The following SLC22A23 variants were observed in gnomAD, a reference collection of about 807,000 sequenced individuals.
The protein encoded by SLC22A23 is solute carrier family 22 member 23, also known as ion transporter protein.
A neutral mutation model predicts 61.0 loss-of-function variants in SLC22A23; 26 were observed. That is an observed-to-expected ratio of 0.43 (90% CI 0.31 to 0.59). The LOEUF (loss-of-function observed/expected upper bound fraction) is 0.59, where lower values mean the gene tolerates loss of function less well. Ranked by LOEUF, SLC22A23 falls within the 20% of genes least tolerant of loss-of-function variation. The pLI is 0.11. For synonymous variants in SLC22A23, 430 were observed against 413.9 expected, an observed-to-expected ratio of 1.04 and a Z score of -0.47; for missense variants, 796 against 934.7, an observed-to-expected ratio of 0.85 and a Z score of 1.94.
In SLC22A23 at chr6:3,410,884, A is replaced by G. The variant is rs1317092867; in HGVS notation, c.759-542T>C. ...AATTTGTTTCAGCTACACGACGAGAAGTAATTTTTAAGGGATCACACACTA... is the reference window on the plus strand; with the variant it reads ...AATTTGTTTCAGCTACACGACGAGAGGTAATTTTTAAGGGATCACACACTA... On this transcript the variant is annotated intron_variant, in intron 2 of 9. Coordinates refer to ENST00000406686, the MANE Select transcript of SLC22A23 (RefSeq NM_015482.2). The surrounding 1 kb of genome is among the most constrained non-coding windows in gnomAD (Gnocchi z 5.0). Among the ~76,000 whole-genome samples, 1 of 152,226 alleles carries G rather than the reference A, an allele frequency of 6.6e-6. No individual in the cohort carries two copies. Among genetic ancestry groups the G allele is most frequent in the East Asian group, 1.9e-4 (1 of 5,196 alleles).
intron 6 of SLC22A23, among the ~76,000 whole-genome samples, chr6:3,288,514 G>GAGAT (rs1317539522): frequency 6.6e-6 from 1 of 152,196 alleles, no homozygotes; most frequent in Non-Finnish European, 1.5e-5. Context: ...CTGGCCTGCT[G>GAGAT]AGATAGCAGG....
At chr6:3,311,210 G>C (rs920275372) in intron 4 of SLC22A23, among the ~76,000 whole-genome samples, 9 of 152,274 alleles carry the variant, frequency 5.9e-5, no homozygotes, top group Middle Eastern at 3.4e-3. Context: ...ATCAAAGAGT[G>C]GGGGACACAG....
intron 1 of SLC22A23, chr6:3,439,199 C>T (rs540549658): frequency 8.2e-4 from 299 of 362,716 alleles, no homozygotes; most frequent in Non-Finnish European, 1.4e-3. Context: ...ACCCACCAGG[C>T]GCCAGTAGCA....
rs562245495 is a variant in SLC22A23 at position 3,425,562 on chromosome 6, G to C, written c.655-9707C>G. On this transcript the variant is annotated intron_variant, in intron 1 of 9. Coordinates refer to ENST00000406686, the MANE Select transcript of SLC22A23 (RefSeq NM_015482.2). ...GCCTCCCAAAGCGCTGGGATTACAG[G>C]CATGAGTCACCGCACCCGGCCGAAT... Among the ~76,000 whole-genome samples, 15 of 152,168 alleles carry C rather than the reference G, an allele frequency of 9.9e-5. No homozygotes were observed. The East Asian group carries it at 2.9e-3, about 29-fold the overall frequency.
chr6:3,402,579 C>T (rs1768501386), intron 3 of SLC22A23, among the ~76,000 whole-genome samples: 1 of 151,908 alleles, frequency 6.6e-6, no homozygotes, highest in African/African-American at 2.4e-5. Flanking sequence ...ACCCAGAGTG[C>T]ACTAGGCTCC....
At position 3,436,593 on chromosome 6, in the gene SLC22A23, G is replaced by A. The variant is rs891147758; in HGVS notation, c.654+19313C>T. Among the ~76,000 whole-genome samples the A allele has an allele frequency of 6.6e-5, 10 of 152,082 alleles. No individual in the cohort carries two copies. In the South Asian group the frequency reaches 1.0e-3, roughly 16 times the overall value. ...CTCCCGCTCCTTCCCGTTACAGGGC[G>A]CACATCCCAGGGATTCCCAACTCTC... is the stretch of plus-strand genomic sequence containing the variant. On this transcript the variant is annotated intron_variant, in intron 1 of 9. Coordinates refer to ENST00000406686, the MANE Select transcript of SLC22A23 (RefSeq NM_015482.2).
At chr6:3,392,725 G>A (rs1051574315) in intron 3 of SLC22A23, among the ~76,000 whole-genome samples, 1 of 152,220 alleles carries the variant, frequency 6.6e-6, no homozygotes, top group African/African-American at 2.4e-5. Flanking sequence ...TTGAGCAACT[G>A]CATGGATAAT....
At chr6:3,365,142 A>G (rs1313446475) in intron 3 of SLC22A23, among the ~76,000 whole-genome samples, 2 of 152,146 alleles carry the variant, frequency 1.3e-5, no homozygotes, top group African/African-American at 4.8e-5. Flanking sequence ...AACATGGTGA[A>G]ACCCCGTCTC....
chr6:3,446,260 AC>A (rs1771891453), intron 1 of SLC22A23, among the ~76,000 whole-genome samples: 1 of 152,176 alleles, frequency 6.6e-6, no homozygotes, highest in South Asian at 2.1e-4. Context: ...GATAAGGAGA[AC>A]TGAATTCAAA....
chr6:3,277,431 G>A (rs757579978), intron 9 of SLC22A23, among the ~76,000 whole-genome samples: 14 of 146,874 alleles, frequency 9.5e-5, no homozygotes, highest in Non-Finnish European at 1.8e-4. Flanking sequence ...ACCTCCTCCC[G>A]CCGCAGTGCA....
Position 3,333,812 on chromosome 6 carries a change from T to C in SLC22A23, c.914-9810A>G, listed in dbSNP as rs1440202710. ...GAGTCGGGGCCCTTCTCAGTCCTAC[T>C]GTATCAGAAACTGAGGCTGGGAACA... On this transcript the variant is annotated intron_variant, in intron 3 of 9. Transcript: ENST00000406686. This position sits in a 1 kb window ranked among gnomAD's most constrained non-coding sequence, Gnocchi z 4.1. 6.6e-6 allele frequency among the ~76,000 whole-genome samples: 1 copy of C among 152,212 alleles called. No individual in the cohort carries two copies. Among genetic ancestry groups the C allele is most frequent in the Non-Finnish European group, 1.5e-5 (1 of 68,044 alleles).
In SLC22A23 at chr6:3,283,939, G is replaced by A. The variant is rs371116667; in HGVS notation, c.1616C>T (p.Ala539Val). The A allele has an allele frequency of 2.4e-5, 38 of 1,608,250 alleles. No individual in the cohort carries two copies. Among genetic ancestry groups the A allele is most frequent in the Non-Finnish European group, 3.0e-5 (35 of 1,175,138 alleles). Residue 539 changes from alanine to valine, a missense_variant, in exon 9 of 10, where the codon GCG becomes GTG. Coordinates refer to ENST00000406686, the MANE Select transcript of SLC22A23 (RefSeq NM_015482.2). Reference sequence around the variant, plus strand: ...GGCAAACATGCCCACGATGGAAAACGCGATGGAAAATTTGTCCTTGACGCT... The same window carrying A: ...GGCAAACATGCCCACGATGGAAAACACGATGGAAAATTTGTCCTTGACGCT... ...SDSVKDKFSIAFSIVGMFASH... is the reference protein window; with the variant it reads ...SDSVKDKFSIVFSIVGMFASH...
intron 1 of SLC22A23, among the ~76,000 whole-genome samples, chr6:3,426,426 A>G (rs1770495008): frequency 6.6e-6 from 1 of 152,186 alleles, no homozygotes; most frequent in South Asian, 2.1e-4. Flanking sequence ...GACAACTGCT[A>G]ATCTAATGGT....
intron 3 of SLC22A23, among the ~76,000 whole-genome samples, chr6:3,366,648 C>A (rs186657510): frequency 6.6e-6 from 1 of 152,144 alleles, no homozygotes; most frequent in African/African-American, 2.4e-5. Flanking sequence ...TACTTCTATG[C>A]GATCTATGTA....
chr6:3,335,538 G>C (rs894743582), intron 3 of SLC22A23, among the ~76,000 whole-genome samples: 1 of 152,136 alleles, frequency 6.6e-6, no homozygotes, highest in Non-Finnish European at 1.5e-5. Context: ...ATCAGGTGGG[G>C]ACAAGGCCTC....
chr6:3,298,446 T>C (rs975503496), intron 4 of SLC22A23, among the ~76,000 whole-genome samples: 3 of 151,706 alleles, frequency 2.0e-5, no homozygotes, highest in African/African-American at 7.3e-5. Context: ...GTTAACCACA[T>C]GTTCTCACCC....
At chr6:3,432,046 A>G (rs1331544715) in intron 1 of SLC22A23, 1 of 215,716 alleles carries the variant, frequency 4.6e-6, no homozygotes, top group Non-Finnish European at 7.9e-6. Flanking sequence ...CACATCCATC[A>G]TTTTCTGTAA....
chr6:3,367,017 T>C (rs1720274456), intron 3 of SLC22A23, among the ~76,000 whole-genome samples: 2 of 152,364 alleles, frequency 1.3e-5, no homozygotes, highest in South Asian at 4.1e-4. Flanking sequence ...CTTACTTATA[T>C]GCAAACATGG....
chr6:3,314,024 T>G (rs1163442543), intron 4 of SLC22A23, among the ~76,000 whole-genome samples: 1 of 152,174 alleles, frequency 6.6e-6, no homozygotes, highest in East Asian at 1.9e-4. Context: ...AGCAGAACTC[T>G]GTCTCAAAAA....
Sources: gnomAD v4.1 joint callset for allele counts (sites outside exome capture counted in the v4.1 genomes callset) on GRCh38, gnomAD v4.1.1 for gene constraint, Gnocchi (gnomAD v3.1) non-coding constraint, MANE v1.5 for transcripts, NCBI Gene and HGNC (gene_info 2026-07-23, HGNC 2026-07-21) for gene names.